The following ZSWIM5 variants were observed in gnomAD, a reference collection of about 807,000 sequenced individuals.
ZSWIM5 encodes the protein zinc finger SWIM-type containing 5, also known as zinc finger SWIM domain-containing protein 5.
A neutral mutation model predicts 119.6 loss-of-function variants in ZSWIM5; 55 were observed. The observed-to-expected ratio is 0.46, with a 90% confidence interval of 0.37 to 0.58. ZSWIM5 has a LOEUF of 0.58. Among genes scored for constraint, ZSWIM5 ranks in the 20% least tolerant of loss-of-function variants. The probability of loss-of-function intolerance (pLI) is 0.00; values close to 1 mark genes in which losing one functional copy is unlikely to be tolerated. For synonymous variants in ZSWIM5, 537 were observed against 606.9 expected, an observed-to-expected ratio of 0.88 and a Z score of 1.69; for missense variants, 1,193 against 1,512.8, an observed-to-expected ratio of 0.79 and a Z score of 3.51.
At chr1:45,024,082 GT>G (rs901546875) in intron 11 of ZSWIM5, among the ~76,000 whole-genome samples, 7 of 151,068 alleles carry the variant, frequency 4.6e-5, no homozygotes, top group Non-Finnish European at 1.0e-4. Context: ...AGTTTTAAGA[GT>G]TTTTTGTATA....
intron 1 of ZSWIM5, among the ~76,000 whole-genome samples, chr1:45,103,035 AT>A (rs971574752): frequency 6.6e-6 from 1 of 151,820 alleles, no homozygotes; most frequent in Non-Finnish European, 1.5e-5. Context: ...GCTAATTATT[AT>A]TTTTTTAATG....
In ZSWIM5 at chr1:45,046,744, A is replaced by G. The variant is rs1645057357; in HGVS notation, c.1433-3349T>C. ...AAAGAAGTATAGAAAGAGAGGTGGT[A>G]GCCAGGCGCGGTGGCTCATTCCTGT... On this transcript the variant is annotated intron_variant, in intron 5 of 13. Transcript: ENST00000359600. 2.0e-5 allele frequency among the ~76,000 whole-genome samples: 3 copies of G among 151,816 alleles called. No homozygotes were observed. The South Asian group carries it at 6.2e-4, about 32-fold the overall frequency.
chr1:45,182,980 T>C (rs1480036108), intron 1 of ZSWIM5, among the ~76,000 whole-genome samples: 1 of 148,950 alleles, frequency 6.7e-6, no homozygotes, highest in African/African-American at 2.5e-5. Context: ...TATTCCAAAA[T>C]TGACCACATA....
chr1:45,054,986 C>T (rs1291578619), intron 4 of ZSWIM5, among the ~76,000 whole-genome samples: 2 of 151,954 alleles, frequency 1.3e-5, no homozygotes, highest in East Asian at 1.9e-4. Context: ...CCACCATGCC[C>T]GGTTAATTTT....
At chr1:45,075,679 T>G (rs1439303754) in intron 2 of ZSWIM5, among the ~76,000 whole-genome samples, 1 of 152,140 alleles carries the variant, frequency 6.6e-6, no homozygotes, top group African/African-American at 2.4e-5. Context: ...TTATGTCTTT[T>G]TATTGGAGAG....
chr1:45,182,454 A>T (rs901055883), intron 1 of ZSWIM5, among the ~76,000 whole-genome samples: 2 of 151,800 alleles, frequency 1.3e-5, no homozygotes, highest in African/African-American at 4.9e-5. Flanking sequence ...ACAGACTGGC[A>T]AATTGGATAA....
chr1:45,086,881 A>ATTTTTT (rs377217727), intron 2 of ZSWIM5, among the ~76,000 whole-genome samples: 1 of 131,948 alleles, frequency 7.6e-6, no homozygotes, highest in African/African-American at 2.9e-5. Context: ...TTCTTCTTAA[A>ATTTTTT]TTTTTTTTTT....
intron 1 of ZSWIM5, among the ~76,000 whole-genome samples, chr1:45,168,426 C>A (rs1316693252): frequency 6.6e-6 from 1 of 151,750 alleles, no homozygotes; most frequent in African/African-American, 2.4e-5. Flanking sequence ...CACATGTATA[C>A]ATATGTAACA....
intron 1 of ZSWIM5, among the ~76,000 whole-genome samples, chr1:45,141,659 T>C (rs149027867): frequency 1.3e-5 from 2 of 152,246 alleles, no homozygotes; most frequent in Admixed American, 6.5e-5. Context: ...TACAATGATA[T>C]AGGTAGACTA....
At chr1:45,144,567 GAAAT>G (rs987618038) in intron 1 of ZSWIM5, among the ~76,000 whole-genome samples, 3 of 152,114 alleles carry the variant, frequency 2.0e-5, no homozygotes, top group African/African-American at 7.2e-5. Context: ...TTTTGCAAAA[GAAAT>G]AAAATCAATT....
intron 1 of ZSWIM5, among the ~76,000 whole-genome samples, chr1:45,129,984 G>A (rs1257248581): frequency 1.3e-5 from 2 of 151,742 alleles, no homozygotes; most frequent in Non-Finnish European, 2.9e-5. Flanking sequence ...TGCAACCTCC[G>A]CCTCCCGGGT....
At chr1:45,160,411 CCT>C (rs1406586697) in intron 1 of ZSWIM5, among the ~76,000 whole-genome samples, 1 of 152,130 alleles carries the variant, frequency 6.6e-6, no homozygotes, top group Admixed American at 6.5e-5. Context: ...CTATCATCAA[CCT>C]CTCTTTACCC....
chr1:45,179,688 CA>C (rs1281227161), intron 1 of ZSWIM5, among the ~76,000 whole-genome samples: 1 of 152,140 alleles, frequency 6.6e-6, no homozygotes, highest in Admixed American at 6.5e-5. Context: ...GTTCATGGAT[CA>C]GAAGATGAGA....
At chr1:45,076,927 C>T (rs1570065540) in intron 2 of ZSWIM5, among the ~76,000 whole-genome samples, 1 of 151,958 alleles carries the variant, frequency 6.6e-6, no homozygotes, top group Non-Finnish European at 1.5e-5. Context: ...TTGCATTTTT[C>T]AGCTCCAGAA....
intron 4 of ZSWIM5, among the ~76,000 whole-genome samples, chr1:45,052,891 G>A (rs1645097984): frequency 6.6e-6 from 1 of 152,102 alleles, no homozygotes; most frequent in African/African-American, 2.4e-5. Flanking sequence ...GGAGGCTGAG[G>A]TGGGCGGATC....
chr1:45,103,436 C>A (rs1389484939), intron 1 of ZSWIM5, among the ~76,000 whole-genome samples: 2 of 152,198 alleles, frequency 1.3e-5, no homozygotes, highest in Non-Finnish European at 2.9e-5. Flanking sequence ...TCTAAGATCA[C>A]ACAACCTGTA....
chr1:45,125,185 G>A (rs960621288), intron 1 of ZSWIM5, among the ~76,000 whole-genome samples: 1 of 152,106 alleles, frequency 6.6e-6, no homozygotes, highest in African/African-American at 2.4e-5. Flanking sequence ...CCATTTCCAG[G>A]TAATGAGGCA....
At chr1:45,067,415 A>C (rs146731956) in intron 2 of ZSWIM5, among the ~76,000 whole-genome samples, 2,712 of 148,560 alleles carry the variant, frequency 0.018, 87 homozygotes, top group African/African-American at 0.064. Context: ...ATTCCAGCCT[A>C]GGTGAGAGAG....
chr1:45,138,505 C>CA (rs759005534), intron 1 of ZSWIM5, among the ~76,000 whole-genome samples: 11,001 of 54,190 alleles, frequency 0.2, 630 homozygotes, highest in Non-Finnish European at 0.22. Flanking sequence ...AACTCCATCT[C>CA]AAAAAAAAAA....
Sources: allele counts gnomAD v4.1 joint callset (sites outside exome capture counted in the v4.1 genomes callset), GRCh38; gene constraint gnomAD v4.1.1; transcripts MANE v1.5; gene names NCBI Gene and HGNC (gene_info 2026-07-23, HGNC 2026-07-21).